Variants in TMEM14B observed in about 807,000 individuals in gnomAD.
The protein encoded by TMEM14B is transmembrane protein 14B.
TMEM14B carries 9 observed loss-of-function variants against 14.8 expected under a neutral mutation model. The ratio of observed to expected loss-of-function variants is 0.61; its 90% CI spans 0.37 to 1.06. TMEM14B has a LOEUF of 1.06. TMEM14B is among the 50% of genes least tolerant of loss of function. The probability of loss-of-function intolerance (pLI) is 0.01; values close to 1 mark genes in which losing one functional copy is unlikely to be tolerated. For synonymous variants in TMEM14B, 40 were observed against 51.3 expected (o/e 0.78, Z 0.94); for missense variants, 128 against 143.6 (o/e 0.89, Z 0.56).
rs906485755 is a variant in TMEM14B, at chr6:10,756,855, A to G, written c.*337A>G. 1.5e-5 allele frequency: 15 copies of G among 998,820 alleles called. No homozygotes were observed. The highest frequency in any genetic ancestry group is 1.8e-5 in the Non-Finnish European group (15 of 838,996). The allele number at this position is 998,820 out of a possible 1,614,324, so 61.9% of individuals were successfully genotyped here. A position where few individuals can be genotyped will look rare whatever the true frequency, so the allele number is the denominator to read the frequency against. ...GAAACCCCATTCCCTGCTCAGAGGA[A>G]CAGTGTGAAAAAAAATCTCTTGAGA... On this transcript the variant is annotated 3_prime_UTR_variant, in exon 6 of 6. Transcript: ENST00000379542.
In TMEM14B at chr6:10,756,566, T is replaced by C. The variant is rs1771809893; in HGVS notation, c.*48T>C. On this transcript the variant is annotated 3_prime_UTR_variant, in exon 6 of 6. Coordinates refer to ENST00000379542, the MANE Select transcript of TMEM14B (RefSeq NM_030969.5). ...ACTCATGAAGGATTAAAAATCTGCA[T>C]CTTCCACTATTTTCAATGTATTAAG... 15 of 1,595,648 alleles carry C rather than the reference T, an allele frequency of 9.4e-6. No individual in the cohort carries two copies. The highest frequency in any genetic ancestry group is 1.2e-5 in the Non-Finnish European group (14 of 1,173,954).
At chr6:10,754,996 G>A (rs1191308612) in intron 4 of TMEM14B, 146 bp from the exon 5 acceptor site, 4 of 832,522 alleles carry the variant, frequency 4.8e-6, no homozygotes, top group Non-Finnish European at 7.4e-6. Flanking sequence ...TAGGATGTGG[G>A]CAGCTAGTAA....
chr6:10,756,486 G>T lies in TMEM14B; in HGVS notation c.313G>T (p.Val105Phe), dbSNP rs764710623. The T allele has an allele frequency of 3.7e-5, 60 of 1,613,900 alleles. No individual in the cohort carries two copies. Among genetic ancestry groups the T allele is most frequent in the South Asian group, 3.3e-4 (30 of 91,068 alleles). Residue 105 changes from valine (V) to phenylalanine (F), a missense_variant, in exon 6 of 6, where the codon GTT (valine) becomes TTT (phenylalanine). Coordinates refer to ENST00000379542, the MANE Select transcript of TMEM14B (RefSeq NM_030969.5). ...AGASLLMAAK[V>F]GVRMLMTSD ...AAACAGTTTGCTGATGGCCGCCAAA[G>T]TTGGAGTTCGTATGTTGATGACATC...
In TMEM14B at chr6:10,749,081, C is replaced by T. The variant is rs191200780; in HGVS notation, c.-44-121C>T. On this transcript the variant is annotated intron_variant, in intron 1 of 5. Coordinates refer to ENST00000379542, the MANE Select transcript of TMEM14B (RefSeq NM_030969.5). ...CCAGGAAATTGGTACCAGTGTTATC[C>T]TCATGGTACAGTGAAGGATACTGAG... 1.5e-3 allele frequency: 938 copies of T among 638,354 alleles called. 3 individuals carry two copies. Among genetic ancestry groups the T allele is most frequent in the Non-Finnish European group, 2.2e-3 (773 of 357,444 alleles). 39.5% of individuals were successfully genotyped at this position (638,354 alleles called of 1,614,324 possible).
Position 10,749,806 on chromosome 6 carries a change from G to C in TMEM14B, c.100+108G>C. 4 of 1,351,158 alleles carry C rather than the reference G, an allele frequency of 3.0e-6. No homozygotes were observed. The East Asian group carries it at 6.9e-5, about 23-fold the overall frequency. The allele number at this position is 1,351,158 out of a possible 1,614,324, so 83.7% of individuals were successfully genotyped here. A position where few individuals can be genotyped will look rare whatever the true frequency, so the allele number is the denominator to read the frequency against. Reference sequence around the variant, plus strand: ...TCTCGTTTGACTCAGCTTTGCTGTAGGTCCCCAAGCTGGAGTGCAGGCTTC... The same window carrying C: ...TCTCGTTTGACTCAGCTTTGCTGTACGTCCCCAAGCTGGAGTGCAGGCTTC... On this transcript the variant is annotated intron_variant, in intron 3 of 5. Coordinates refer to ENST00000379542, the MANE Select transcript of TMEM14B (RefSeq NM_030969.5).
downstream of TMEM14B, among the ~76,000 whole-genome samples, chr6:10,757,496 A>G (rs759777971): frequency 4.6e-5 from 7 of 152,184 alleles, no homozygotes; most frequent in Non-Finnish European, 7.3e-5. Flanking sequence ...AGAAGAAGAA[A>G]AAAAGTGGTT....
In TMEM14B at chr6:10,752,057, C is replaced by T. The variant is rs571865405; in HGVS notation, c.202+823C>T. On this transcript the variant is annotated intron_variant, in intron 4 of 5. Transcript: ENST00000379542. ...TCAGCTGGGGTGGGGAAGGGAGGTC[C>T]GTGATGGCTAATGGGGTGTGCTGGG... Among the ~76,000 whole-genome samples, 91 of 152,026 alleles carry T rather than the reference C, an allele frequency of 6.0e-4. 1 individual carries two copies. Among genetic ancestry groups the T allele is most frequent in the African/African-American group, 2.1e-3 (88 of 41,374 alleles).
chr6:10,755,275 T>C (rs368606734), intron 5 of TMEM14B, 43 bp downstream of exon 5: 142 of 1,613,398 alleles, frequency 8.8e-5, no homozygotes, highest in Non-Finnish European at 1.2e-4. Flanking sequence ...TAGAGTTCAG[T>C]TTATTGCCCA....
At chr6:10,751,512 T>C (rs1043143693) in intron 4 of TMEM14B, among the ~76,000 whole-genome samples, 8 of 152,198 alleles carry the variant, frequency 5.3e-5, no homozygotes, top group Non-Finnish European at 1.2e-4. Flanking sequence ...TGGGCCTTAT[T>C]TTCAGTGTTT....
Position 10,749,685 on chromosome 6 carries a change from C to T in TMEM14B, c.87C>T (p.Gly29=). ...TALVVSGGIV[G]YVKTGSVPSL... ...TGGTTGTTTCTGGTGGGATCGTTGG[C>T]TATGTAAAAACAGGTAGGGTTTTGT... Residue 29 remains glycine, a synonymous_variant, in exon 3 of 6, where the codon GGC becomes GGT. Coordinates refer to ENST00000379542, the MANE Select transcript of TMEM14B (RefSeq NM_030969.5). The T allele has an allele frequency of 6.2e-7, 1 of 1,614,190 alleles. No homozygotes were observed. Among genetic ancestry groups the T allele is most frequent in the Non-Finnish European group, 8.5e-7 (1 of 1,180,036 alleles).
intron 5 of TMEM14B, chr6:10,755,657 A>T (rs184760556): frequency 9.0e-7 from 1 of 1,111,010 alleles, no homozygotes; most frequent in African/African-American, 1.6e-5. Context: ...TGTGGTTTTT[A>T]AAAAATGTAG....
intron 4 of TMEM14B, chr6:10,752,767 A>G (rs1160561946): frequency 1.3e-5 from 2 of 152,264 alleles, no homozygotes; most frequent in African/African-American, 2.4e-5. Flanking sequence ...CAAGAGGGAA[A>G]GAGGGAGGGA....
intron 1 of TMEM14B, among the ~76,000 whole-genome samples, 185 bp downstream of exon 1, chr6:10,748,066 G>A (rs1047199643): frequency 1.3e-5 from 2 of 152,094 alleles, no homozygotes; most frequent in African/African-American, 4.8e-5. Flanking sequence ...GTGGATGCTC[G>A]GAGCACCTGA....
intron 4 of TMEM14B, chr6:10,752,985 C>T (rs527986750): frequency 5.3e-5 from 8 of 152,238 alleles, no homozygotes; most frequent in African/African-American, 1.9e-4. Context: ...CGTATAATCC[C>T]AGCACTTTGG....
chr6:10,750,735 T>C (rs898783377), intron 3 of TMEM14B, among the ~76,000 whole-genome samples: 1 of 152,040 alleles, frequency 6.6e-6, no homozygotes, highest in Non-Finnish European at 1.5e-5. Context: ...GGAGTCTGTC[T>C]GGCTCTCTTA....
chr6:10,756,607 A>G lies in TMEM14B; in HGVS notation c.*89A>G, dbSNP rs555838683. The G allele has an allele frequency of 3.0e-5, 46 of 1,517,366 alleles. No individual in the cohort carries two copies. The Admixed American group carries it at 4.9e-4, about 16-fold the overall frequency. The allele number at this position is 1,517,366 out of a possible 1,614,324, so 94.0% of individuals were successfully genotyped here. On this transcript the variant is annotated 3_prime_UTR_variant, in exon 6 of 6. Coordinates refer to ENST00000379542, the MANE Select transcript of TMEM14B (RefSeq NM_030969.5). Reference sequence around the variant, plus strand: ...ATGTATTAAGAGAAATAAGTGCAGCATTTTTGCATCTGACATTTTACCTAA... The same window carrying G: ...ATGTATTAAGAGAAATAAGTGCAGCGTTTTTGCATCTGACATTTTACCTAA...
At chr6:10,752,287 C>T (rs564776659) in intron 4 of TMEM14B, among the ~76,000 whole-genome samples, 2 of 152,024 alleles carry the variant, frequency 1.3e-5, no homozygotes, top group African/African-American at 4.8e-5. Flanking sequence ...TGTTTCCCTC[C>T]TTTCCAACAC....
chr6:10,757,040 G>C, downstream of TMEM14B: 5 of 946,420 alleles, frequency 5.3e-6, no homozygotes, highest in Non-Finnish European at 6.3e-6. Flanking sequence ...GATGTTGCTA[G>C]ATATAGAAAC....
chr6:10,751,298 C>G, intron 4 of TMEM14B, 64 bp downstream of exon 4: 1 of 1,582,096 alleles, frequency 6.3e-7, no homozygotes, highest in Non-Finnish European at 8.7e-7. Flanking sequence ...TCCAAAAGAC[C>G]CTGGTTTGGT....
Sources: allele counts gnomAD v4.1 joint callset (sites outside exome capture counted in the v4.1 genomes callset), GRCh38; gene constraint gnomAD v4.1.1; transcripts MANE v1.5; gene names NCBI Gene and HGNC (gene_info 2026-07-23, HGNC 2026-07-21).